Variants in MAN2B2 observed in about 807,000 individuals in gnomAD.
MAN2B2 encodes the protein mannosidase alpha class 2B member 2.
A neutral mutation model predicts 117.1 loss-of-function variants in MAN2B2; 106 were observed. That is an observed-to-expected ratio of 0.90 (90% CI 0.77 to 1.06). The LOEUF (loss-of-function observed/expected upper bound fraction) is 1.06, where lower values mean the gene tolerates loss of function less well. Ranked by LOEUF, MAN2B2 falls within the 50% of genes least tolerant of loss-of-function variation. The pLI, the probability that MAN2B2 is intolerant of heterozygous loss-of-function variation, is 0.00. For missense variants in MAN2B2, 1,326 were observed against 1,381.4 expected (o/e 0.96, Z 0.64); for synonymous variants, 544 against 595.1 (o/e 0.91, Z 1.25).
chr4:6,609,460 G>A (rs1240238847), intron 12 of MAN2B2, 162 bp downstream of exon 12: 4 of 729,440 alleles, frequency 5.5e-6, no homozygotes, highest in Non-Finnish European at 8.9e-6. Context: ...TCTGCATGCT[G>A]GCTGCGTTTG....
At chr4:6,612,174 C>T (rs1015624931) in intron 15 of MAN2B2, among the ~76,000 whole-genome samples, 10 of 152,246 alleles carry the variant, frequency 6.6e-5, no homozygotes, top group Non-Finnish European at 1.2e-4. Flanking sequence ...GGCTGTCACT[C>T]ACCCATGCAA....
chr4:6,591,045 G>A (rs1274883176), intron 5 of MAN2B2, among the ~76,000 whole-genome samples: 1 of 152,188 alleles, frequency 6.6e-6, no homozygotes, highest in Non-Finnish European at 1.5e-5. Flanking sequence ...CTACCTGGGA[G>A]GCTGAGGCAG....
chr4:6,605,868 T>A (rs1218378472), intron 11 of MAN2B2, among the ~76,000 whole-genome samples: 1 of 151,710 alleles, frequency 6.6e-6, no homozygotes, highest in African/African-American at 2.4e-5. Context: ...CCCACCCACC[T>A]ATGTACCTAC....
At chr4:6,577,895 C>T (rs1726129862) in intron 2 of MAN2B2, among the ~76,000 whole-genome samples, 1 of 152,218 alleles carries the variant, frequency 6.6e-6, no homozygotes, top group Non-Finnish European at 1.5e-5. Flanking sequence ...TAGGTGCTCA[C>T]TTAACATTTG....
At chr4:6,589,501 A>G (rs914125561) in intron 5 of MAN2B2, among the ~76,000 whole-genome samples, 2 of 152,102 alleles carry the variant, frequency 1.3e-5, no homozygotes, top group African/African-American at 4.8e-5. Flanking sequence ...TTGGCCTCCC[A>G]AAGTGCTAGG....
At chr4:6,593,128 CCA>C (rs1726919590) in intron 5 of MAN2B2, 43 bp from the exon 6 acceptor site, 3 of 1,592,908 alleles carry the variant, frequency 1.9e-6, no homozygotes, top group Admixed American at 1.7e-5. Flanking sequence ...CCCTGGCTGT[CCA>C]CAGAGTTCGT....
At chr4:6,599,486 A>G (rs1395962177) in intron 9 of MAN2B2, among the ~76,000 whole-genome samples, 2 of 151,052 alleles carry the variant, frequency 1.3e-5, no homozygotes, top group Non-Finnish European at 3.0e-5. Context: ...CACGGTGAAA[A>G]CCTGTCTCTA....
intron 3 of MAN2B2, among the ~76,000 whole-genome samples, chr4:6,584,722 G>A (rs1468403478): frequency 6.6e-6 from 1 of 152,216 alleles, no homozygotes; most frequent in Non-Finnish European, 1.5e-5. Flanking sequence ...AGCCGGCTCA[G>A]CCTGATGGCC....
At chr4:6,615,891 C>T (rs1021655493) in intron 16 of MAN2B2, among the ~76,000 whole-genome samples, 1 of 152,132 alleles carries the variant, frequency 6.6e-6, no homozygotes, top group East Asian at 2.0e-4. Flanking sequence ...GCAACCTCCA[C>T]CACCCAGGTT....
intron 13 of MAN2B2, among the ~76,000 whole-genome samples, chr4:6,610,498 A>G (rs1250927732): frequency 6.6e-6 from 1 of 152,202 alleles, no homozygotes; most frequent in Non-Finnish European, 1.5e-5. Context: ...CTGCCCGTTC[A>G]GGGCTTGAGC....
chr4:6,600,829 C>T (rs528059997), intron 10 of MAN2B2, 73 bp downstream of exon 10: 3 of 1,560,922 alleles, frequency 1.9e-6, no homozygotes, highest in South Asian at 1.1e-5. Context: ...CACATTGTCT[C>T]TTCTGACCCT....
At chr4:6,592,012 G>A (rs1043260081) in intron 5 of MAN2B2, among the ~76,000 whole-genome samples, 1 of 152,206 alleles carries the variant, frequency 6.6e-6, no homozygotes, top group Admixed American at 6.5e-5. Flanking sequence ...AGACGTGGTG[G>A]AGCCAGCGTT....
chr4:6,589,046 G>A lies in MAN2B2; in HGVS notation c.566G>A (p.Gly189Glu), dbSNP rs763810420. The change falls in exon 5 of 19, where the codon GGG (glycine) becomes GAG (glutamate). Residue 189 changes from glycine to glutamate, a missense_variant and splice_region_variant. By Grantham distance (98) the Gly-to-Glu change is moderately conservative (BLOSUM62 -2). Transcript: ENST00000285599. ...DLKAAMQEAR[G>E]LQFVWRGSPS... ...CTCATTCTTCTCCTCGGTTTGCAGG[G>A]GCTGCAGTTCGTGTGGCGAGGGTCC... The A allele has an allele frequency of 6.2e-7, 1 of 1,613,154 alleles. No homozygotes were observed. The highest frequency in any genetic ancestry group is 1.3e-5 in the African/African-American group (1 of 75,008).
chr4:6,610,675 C>T (rs1727734293), intron 13 of MAN2B2, among the ~76,000 whole-genome samples: 1 of 152,228 alleles, frequency 6.6e-6, no homozygotes, highest in South Asian at 2.1e-4. Flanking sequence ...TTGGCCAGGG[C>T]CTGCACCCAT....
At chr4:6,594,509 G>A (rs767167580) in intron 6 of MAN2B2, 25 bp from the exon 7 acceptor site, 2 of 1,609,278 alleles carry the variant, frequency 1.2e-6, no homozygotes, top group Admixed American at 1.7e-5. Context: ...CCACGGCACA[G>A]GATGTTGCTC....
In MAN2B2 at chr4:6,589,017, C is replaced by A. The variant is rs371385670; in HGVS notation, c.565-28C>A. On this transcript the variant is annotated intron_variant, in intron 4 of 18. Coordinates refer to ENST00000285599, the MANE Select transcript of MAN2B2 (RefSeq NM_015274.3). ...AGCTGGGGCAGCCATGTGGCCCCTC[C>A]AGCCTCATTCTTCTCCTCGGTTTGC... 1.8e-5 allele frequency: 29 copies of A among 1,573,792 alleles called. No homozygotes were observed. The South Asian group carries it at 2.3e-4, about 13-fold the overall frequency.
intron 10 of MAN2B2, among the ~76,000 whole-genome samples, chr4:6,601,642 T>C (rs1727335729): frequency 6.6e-6 from 1 of 152,216 alleles, no homozygotes; most frequent in African/African-American, 2.4e-5. Context: ...AAGCCACCTA[T>C]GGGCCTTGCC....
chr4:6,579,304 C>CCGT (rs1726300633), intron 3 of MAN2B2, among the ~76,000 whole-genome samples: 1 of 77,936 alleles, frequency 1.3e-5, no homozygotes. Flanking sequence ...ACCACCATCA[C>CCGT]CACCACCACC....
At chr4:6,611,774 G>A (rs1170042057) in intron 15 of MAN2B2, among the ~76,000 whole-genome samples, 1 of 152,144 alleles carries the variant, frequency 6.6e-6, no homozygotes, top group African/African-American at 2.4e-5. Context: ...AGCCTGGGTG[G>A]CAAAGCGAGA....
Sources: allele counts gnomAD v4.1 joint callset (sites outside exome capture counted in the v4.1 genomes callset), GRCh38; gene constraint gnomAD v4.1.1; transcripts MANE v1.5; gene names NCBI Gene and HGNC (gene_info 2026-07-23, HGNC 2026-07-21).